Variants in MGAM observed in about 807,000 individuals in gnomAD.
The protein encoded by MGAM is alpha-1,4-glucosidase.
A neutral mutation model predicts 358.8 loss-of-function variants in MGAM; 253 were observed. The ratio of observed to expected loss-of-function variants is 0.71; its 90% CI spans 0.64 to 0.78. The LOEUF (loss-of-function observed/expected upper bound fraction) is 0.78, where lower values mean the gene tolerates loss of function less well. Among genes scored for constraint, MGAM ranks in the 30% least tolerant of loss-of-function variants. The pLI is 0.00. For synonymous variants in MGAM, 1,105 were observed against 1,227.1 expected (o/e 0.90, Z 2.08); for missense variants, 3,080 against 3,432.6 (o/e 0.90, Z 2.57).
At chr7:142,087,796 T>C (rs946203015) in intron 57 of MGAM, among the ~76,000 whole-genome samples, 3 of 146,500 alleles carry the variant, frequency 2.0e-5, no homozygotes, top group African/African-American at 7.3e-5. Context: ...CAGACAAATA[T>C]CCATGTTGTG....
intron 52 of MGAM, 69 bp from the exon 53 acceptor site, chr7:142,083,232 T>C: frequency 8.4e-7 from 1 of 1,189,622 alleles, no homozygotes; most frequent in South Asian, 1.4e-5. Flanking sequence ...ATAGAGAATG[T>C]GTGGATTTCA....
rs142551659 is a variant in MGAM at position 142,040,888 on chromosome 7, G to A, written c.2498+42G>A. On this transcript the variant is annotated intron_variant, in intron 21 of 70. Coordinates refer to ENST00000475668, the MANE Select transcript of MGAM (RefSeq NM_001365693.1). ...GTGTCCTTTCAGAATTCATGTCCTT[G>A]CTTAAACCCTTTGAATTTCTTTTCG... The A allele has an allele frequency of 2.1e-3, 3,274 of 1,551,568 alleles. 31 individuals are homozygous for A. Among genetic ancestry groups the A allele is most frequent in the Middle Eastern group, 0.011 (64 of 5,854 alleles).
chr7:142,052,693 T>C, intron 25 of MGAM, 91 bp from the exon 26 acceptor site: 1 of 1,488,470 alleles, frequency 6.7e-7, no homozygotes, highest in Non-Finnish European at 9.2e-7. Flanking sequence ...AGTTTTATCG[T>C]CATATAAAAT....
At chr7:142,081,246 T>A (rs1458609642) in intron 50 of MGAM, among the ~76,000 whole-genome samples, 1 of 146,364 alleles carries the variant, frequency 6.8e-6, no homozygotes, top group Non-Finnish European at 1.5e-5. Flanking sequence ...AAATAATAAG[T>A]AAATAACAGA....
chr7:142,057,222 C>A (rs529311559), intron 30 of MGAM, among the ~76,000 whole-genome samples: 2 of 151,348 alleles, frequency 1.3e-5, no homozygotes, highest in East Asian at 3.9e-4. Flanking sequence ...GTGATGATGG[C>A]AGTAGGGGCT....
intron 59 of MGAM, 127 bp from the exon 60 acceptor site, chr7:142,093,285 G>A: frequency 1.6e-6 from 2 of 1,254,594 alleles, no homozygotes; most frequent in East Asian, 2.6e-5. Flanking sequence ...CATGTCTCTG[G>A]GAAGACGGAG....
intron 21 of MGAM, 145 bp from the exon 22 acceptor site, chr7:142,047,640 T>A: frequency 2.8e-6 from 2 of 718,192 alleles, no homozygotes; most frequent in East Asian, 5.4e-5. Flanking sequence ...GGGGCGCCTG[T>A]CAATTTTGTG....
At chr7:142,085,240 T>G (rs1814646836) in intron 54 of MGAM, among the ~76,000 whole-genome samples, 1 of 146,752 alleles carries the variant, frequency 6.8e-6, no homozygotes, top group African/African-American at 2.4e-5. Context: ...GCATATCTAA[T>G]TGTATTCTAC....
At chr7:142,025,016 T>G (rs1554460308) in intron 7 of MGAM, 34 bp from the exon 8 acceptor site, 1 of 1,495,016 alleles carries the variant, frequency 6.7e-7, no homozygotes, top group South Asian at 1.1e-5. Context: ...GACTTCTTAG[T>G]TGTAAATTTT....
rs184356504 is a variant in MGAM, at chr7:142,003,408, A to G, written c.-2-2121A>G. On this transcript the variant is annotated intron_variant, in intron 1 of 70. Transcript: ENST00000475668. ...AGAAAAGAATAGAGAACTCAGAAACATAGCCAAATACCTACAATCAACTGA... is the reference window on the plus strand; with the variant it reads ...AGAAAAGAATAGAGAACTCAGAAACGTAGCCAAATACCTACAATCAACTGA... Among the ~76,000 whole-genome samples, 179 of 152,224 alleles carry G rather than the reference A, an allele frequency of 1.2e-3. 1 individual carries two copies. In the Middle Eastern group the frequency reaches 0.014, roughly 12 times the overall value.
In MGAM at chr7:142,055,583, AC is replaced by A. The variant is rs778617891; in HGVS notation, c.3342del (p.Phe1115SerfsTer74). ...TTGGGACTCTCAGCTCCTTGGCTTT[AC>A]CTTCAGTGACATGTTTATCCGCATC... is the stretch of plus-strand genomic sequence containing the variant. The part of the protein sequence containing the change: ...IIWDSQLLGF[T>X]FSDMFIRIST... On this transcript the variant is annotated frameshift_variant, in exon 28 of 71. Coordinates refer to ENST00000475668, the MANE Select transcript of MGAM (RefSeq NM_001365693.1). LOFTEE classifies it high-confidence loss of function. 6.2e-7 allele frequency: 1 copy of A among 1,613,828 alleles called. No homozygotes were observed.
intron 45 of MGAM, among the ~76,000 whole-genome samples, chr7:142,075,122 T>G (rs916805232): frequency 3.4e-5 from 5 of 146,328 alleles, no homozygotes; most frequent in African/African-American, 1.2e-4. Flanking sequence ...TCTGGCTTAT[T>G]TCACTTAGTA....
chr7:142,011,513 T>C (rs1230299919), intron 3 of MGAM, among the ~76,000 whole-genome samples: 1 of 152,126 alleles, frequency 6.6e-6, no homozygotes, highest in Non-Finnish European at 1.5e-5. Flanking sequence ...GAAATGATAA[T>C]GTAGCCATTG....
At chr7:142,081,946 T>G (rs190713602) in intron 50 of MGAM, 96 bp from the exon 51 acceptor site, 2 of 1,244,782 alleles carry the variant, frequency 1.6e-6, no homozygotes, top group African/African-American at 2.9e-5. Flanking sequence ...AGCTTCTGGG[T>G]AGGAATCAAG....
Position 142,032,903 on chromosome 7 carries a change from A to G in MGAM, c.1663A>G (p.Thr555Ala). ...STNNLNNPPF[T>A]PRILDGYLFC... ...AAACAACCTAAATAATCCCCCATTC[A>G]CTCCCAGTAAGTCTTGGTGGTCAGC... is the stretch of plus-strand genomic sequence containing the variant. The change falls in exon 14 of 71, where the codon ACT becomes GCT. Residue 555 changes from threonine (T) to alanine (A), a missense_variant. Thr to Ala is a moderately conservative substitution (Grantham distance 58). Transcript: ENST00000475668. 6.3e-7 allele frequency: 1 copy of G among 1,598,690 alleles called. No homozygotes were observed.
chr7:142,054,635 TC>T, intron 26 of MGAM, 118 bp from the exon 27 acceptor site: 1 of 1,118,826 alleles, frequency 8.9e-7, no homozygotes, highest in Non-Finnish European at 1.3e-6. Flanking sequence ...ATCTCAGATA[TC>T]ATAAAGAAGA....
Position 142,036,855 on chromosome 7 carries a change from C to A in MGAM, c.2109C>A (p.Ser703=). 2 of 1,613,564 alleles carry A rather than the reference C, an allele frequency of 1.2e-6. No individual in the cohort carries two copies. The highest frequency in any genetic ancestry group is 1.7e-6 in the Non-Finnish European group (2 of 1,179,608). The change falls in exon 18 of 71, where the codon TCC becomes TCA. Residue 703 remains serine (S), a synonymous_variant. Transcript: ENST00000475668. The part of the protein sequence containing the change: ...DQDPASFGAD[S]LLLNSSRHYL... ...ATCCTGCCTCCTTTGGAGCTGACTC[C>A]CTGCTGTTGAATTCCTCCAGGCACT...
rs548964646 is a variant in MGAM, at chr7:142,017,036, G to T, written c.328-2163G>T. On this transcript the variant is annotated intron_variant, in intron 3 of 70. Coordinates refer to ENST00000475668, the MANE Select transcript of MGAM (RefSeq NM_001365693.1). ...TTTGTCTTTTAAATATTTAAACCAT[G>T]TGATAGTTGACATGACACATTCTTT... is the stretch of plus-strand genomic sequence containing the variant. Among the ~76,000 whole-genome samples, 28 of 152,194 alleles carry T rather than the reference G, an allele frequency of 1.8e-4. No individual in the cohort carries two copies. In the South Asian group the frequency reaches 5.4e-3, roughly 29 times the overall value.
chr7:142,068,724 A>C (rs1176180864), intron 43 of MGAM, 21 bp downstream of exon 43: 1 of 1,470,292 alleles, frequency 6.8e-7, no homozygotes, highest in Non-Finnish European at 9.4e-7. Context: ...CTGAATGTTT[A>C]TATAACACGG....
Sources: allele counts gnomAD v4.1 joint callset (sites outside exome capture counted in the v4.1 genomes callset), GRCh38; gene constraint gnomAD v4.1.1; transcripts MANE v1.5; gene names NCBI Gene and HGNC (gene_info 2026-07-23, HGNC 2026-07-21).